The following PPP1R3B variants were observed in gnomAD, a reference collection of about 807,000 sequenced individuals.
The protein encoded by PPP1R3B is protein phosphatase 1 regulatory subunit 3B.
A neutral mutation model predicts 14.6 loss-of-function variants in PPP1R3B; 8 were observed. The ratio of observed to expected loss-of-function variants is 0.55; its 90% CI spans 0.32 to 0.99. PPP1R3B has a LOEUF of 0.99. Ranked by LOEUF, PPP1R3B falls within the 50% of genes least tolerant of loss-of-function variation. PPP1R3B has a pLI of 0.04. For synonymous variants in PPP1R3B, 169 were observed against 142.0 expected (o/e 1.19, Z -1.35); for missense variants, 452 against 360.1 (o/e 1.26, Z -2.07).
rs1229007049 is a variant in PPP1R3B at position 9,138,728 on chromosome 8, T to G, written c.*2066A>C. On this transcript the variant is annotated 3_prime_UTR_variant, in exon 2 of 2. Transcript: ENST00000310455. ...TTGCTTGCCTTAGGAAAACTTCACT[T>G]TAGTAAGATAAGGCAAAACAGAAAA... The G allele has an allele frequency of 6.6e-6, 1 of 152,146 alleles. No individual in the cohort carries two copies. The highest frequency in any genetic ancestry group is 1.5e-5 in the Non-Finnish European group (1 of 68,038). 9.4% of individuals were successfully genotyped at this position (152,146 alleles called of 1,614,324 possible). A position where few individuals can be genotyped will look rare whatever the true frequency, so the allele number is the denominator to read the frequency against.
Position 9,136,835 on chromosome 8 carries a change from A to T in PPP1R3B, c.*3959T>A, listed in dbSNP as rs943263255. On this transcript the variant is annotated 3_prime_UTR_variant, in exon 2 of 2. Coordinates refer to ENST00000310455, the MANE Select transcript of PPP1R3B (RefSeq NM_024607.4). ...TAGAAGAGGAAACAAATAAAAGGCA[A>T]CCAAGGTTTTCATCCCCTATCCATT... is the stretch of plus-strand genomic sequence containing the variant. 1 of 152,234 alleles carries T rather than the reference A, an allele frequency of 6.6e-6. No individual in the cohort carries two copies. The highest frequency in any genetic ancestry group is 1.5e-5 in the Non-Finnish European group (1 of 68,042). 9.4% of individuals were successfully genotyped at this position (152,234 alleles called of 1,614,324 possible).
At chr8:9,145,912 C>T (rs1028641993) in intron 1 of PPP1R3B, among the ~76,000 whole-genome samples, 5 of 152,058 alleles carry the variant, frequency 3.3e-5, no homozygotes, top group Non-Finnish European at 5.9e-5. Flanking sequence ...CTGTGTTGCC[C>T]AGGCTGGAGT....
In PPP1R3B at chr8:9,141,261, C is replaced by T. The variant is rs1202843279; in HGVS notation, c.391G>A (p.Asp131Asn). 48 of 1,614,014 alleles carry T rather than the reference C, an allele frequency of 3.0e-5. No homozygotes were observed. The highest frequency in any genetic ancestry group is 3.9e-5 in the Non-Finnish European group (46 of 1,180,042). The change falls in exon 2 of 2, where the codon GAC (aspartate) becomes AAC (asparagine). Residue 131 changes from aspartate to asparagine, a missense_variant. By Grantham distance (23) the Asp-to-Asn change is conservative (BLOSUM62 1). Coordinates refer to ENST00000310455, the MANE Select transcript of PPP1R3B (RefSeq NM_024607.4). ...YLDFRNRLQA[D>N]HVCLENCVLK... ...ACACAGTTCTCAAGGCAGACGTGGT[C>T]GGCCTGAAGTCGATTTCTAAAGTCT...
chr8:9,140,584 A>T lies in PPP1R3B; in HGVS notation c.*210T>A. The T allele has an allele frequency of 1.6e-6, 1 of 607,938 alleles. No individual in the cohort carries two copies. The highest frequency in any genetic ancestry group is 2.8e-6 in the Non-Finnish European group (1 of 352,680). 37.7% of individuals were successfully genotyped at this position (607,938 alleles called of 1,614,324 possible). Reference sequence around the variant, plus strand: ...ACAGTGCGAAAGCGCGCCAGCCACCACTGCTCCTTTGAGTGAGACACTGGT... The same window carrying T: ...ACAGTGCGAAAGCGCGCCAGCCACCTCTGCTCCTTTGAGTGAGACACTGGT... On this transcript the variant is annotated 3_prime_UTR_variant, in exon 2 of 2. Transcript: ENST00000310455.
rs1800961216 is a variant in PPP1R3B at position 9,138,351 on chromosome 8, G to A, written c.*2443C>T. 6.6e-6 allele frequency: 1 copy of A among 152,174 alleles called. No homozygotes were observed. The highest frequency in any genetic ancestry group is 2.4e-5 in the African/African-American group (1 of 41,424). The allele number at this position is 152,174 out of a possible 1,614,324, so 9.4% of individuals were successfully genotyped here. ...TTATAACATCATGTCATCCTAGAGTGTTACCCACCTGGGAGAGGTACAAAA... is the reference window on the plus strand; with the variant it reads ...TTATAACATCATGTCATCCTAGAGTATTACCCACCTGGGAGAGGTACAAAA... On this transcript the variant is annotated 3_prime_UTR_variant, in exon 2 of 2. Transcript: ENST00000310455.
In PPP1R3B at chr8:9,139,388, C is replaced by G. The variant is rs1005773162; in HGVS notation, c.*1406G>C. The G allele has an allele frequency of 6.6e-6, 1 of 152,282 alleles. No homozygotes were observed. The highest frequency in any genetic ancestry group is 1.9e-4 in the East Asian group (1 of 5,186). 9.4% of individuals were successfully genotyped at this position (152,282 alleles called of 1,614,324 possible). ...CATACACACCATAAATAAGAACACC[C>G]AAGTCCATGTCCCTGGGTGCTGGTA... On this transcript the variant is annotated 3_prime_UTR_variant, in exon 2 of 2. Coordinates refer to ENST00000310455, the MANE Select transcript of PPP1R3B (RefSeq NM_024607.4).
At chr8:9,149,450 C>T (rs975609067) in intron 1 of PPP1R3B, among the ~76,000 whole-genome samples, 2 of 151,294 alleles carry the variant, frequency 1.3e-5, no homozygotes, top group Non-Finnish European at 2.9e-5. Context: ...TTACAATGAG[C>T]CAGAGATGGC....
rs922187531 is a variant in PPP1R3B at position 9,138,188 on chromosome 8, G to A, written c.*2606C>T. The A allele has an allele frequency of 5.9e-5, 9 of 152,072 alleles. No individual in the cohort carries two copies. Among genetic ancestry groups the A allele is most frequent in the South Asian group, 2.1e-4 (1 of 4,826 alleles). The allele number at this position is 152,072 out of a possible 1,614,324, so 9.4% of individuals were successfully genotyped here. On this transcript the variant is annotated 3_prime_UTR_variant, in exon 2 of 2. Coordinates refer to ENST00000310455, the MANE Select transcript of PPP1R3B (RefSeq NM_024607.4). The stretch of plus-strand genomic sequence containing the variant: ...ATCAGTTTTGCTTCCATTTGAGTTC[G>A]ATTTATGCTATTAATAGTTCTGATC...
chr8:9,149,334 A>C (rs1801344231), intron 1 of PPP1R3B, among the ~76,000 whole-genome samples: 1 of 150,158 alleles, frequency 6.7e-6, no homozygotes, highest in African/African-American at 2.5e-5. Context: ...CCCCGTCTCT[A>C]CTAAAAATAC....
At chr8:9,144,132 T>A (rs1048881697) in intron 1 of PPP1R3B, among the ~76,000 whole-genome samples, 2 of 151,998 alleles carry the variant, frequency 1.3e-5, no homozygotes, top group African/African-American at 4.8e-5. Context: ...AAACAATGTC[T>A]GTTTTTTATT....
Position 9,141,262 on chromosome 8 carries a change from G to C in PPP1R3B, c.390C>G (p.Ala130=). 6.2e-7 allele frequency: 1 copy of C among 1,614,104 alleles called. No individual in the cohort carries two copies. The highest frequency in any genetic ancestry group is 8.5e-7 in the Non-Finnish European group (1 of 1,180,030). The change falls in exon 2 of 2, where the codon GCC becomes GCG. Residue 130 remains alanine, a synonymous_variant. Coordinates refer to ENST00000310455, the MANE Select transcript of PPP1R3B (RefSeq NM_024607.4). ...DYLDFRNRLQ[A]DHVCLENCVL... Reference sequence around the variant, plus strand: ...CACAGTTCTCAAGGCAGACGTGGTCGGCCTGAAGTCGATTTCTAAAGTCTA... The same window carrying C: ...CACAGTTCTCAAGGCAGACGTGGTCCGCCTGAAGTCGATTTCTAAAGTCTA...
chr8:9,149,066 G>C (rs201856257), intron 1 of PPP1R3B, among the ~76,000 whole-genome samples: 5 of 150,062 alleles, frequency 3.3e-5, no homozygotes, highest in Admixed American at 2.0e-4. Flanking sequence ...GGCGGCGGGC[G>C]CCTGTAGTCC....
At chr8:9,148,078 A>C (rs1191610572) in intron 1 of PPP1R3B, among the ~76,000 whole-genome samples, 1 of 152,208 alleles carries the variant, frequency 6.6e-6, no homozygotes, top group Non-Finnish European at 1.5e-5. Context: ...TCCAAGAATC[A>C]GCACACCAAA....
In PPP1R3B at chr8:9,140,752, C is replaced by T. The variant is rs434238; in HGVS notation, c.*42G>A. On this transcript the variant is annotated 3_prime_UTR_variant, in exon 2 of 2. Transcript: ENST00000310455. ...CCACTGCACAGTGAGCAGAGCTAGG[C>T]TTGTCTGTGGCAGCTCCGCCACGCC... 508,774 of 1,596,244 alleles carry T rather than the reference C, an allele frequency of 0.32. 90,324 individuals are homozygous for T. Among genetic ancestry groups the T allele is most frequent in the East Asian group, 0.75 (33,508 of 44,656 alleles).
chr8:9,141,095 C>T lies in PPP1R3B; in HGVS notation c.557G>A (p.Gly186Asp), dbSNP rs780522024. The T allele has an allele frequency of 3.1e-6, 5 of 1,614,146 alleles. No individual in the cohort carries two copies. Among genetic ancestry groups the T allele is most frequent in the Non-Finnish European group, 4.2e-6 (5 of 1,180,050 alleles). Residue 186 changes from glycine to aspartate, a missense_variant, in exon 2 of 2, where the codon GGT (glycine) becomes GAT (aspartate). Transcript: ENST00000310455. ...GAAGGAGAACGTGTCCCTGTCTGAA[C>T]CGGCATAAGTGTCCTTCACGTACTG... is the stretch of plus-strand genomic sequence containing the variant. ...PCQYVKDTYA[G>D]SDRDTFSFDI... is the part of the protein sequence containing the mutation.
At position 9,141,662 on chromosome 8, in the gene PPP1R3B, G is replaced by A; in HGVS notation, c.-11C>T. 6.2e-7 allele frequency: 1 copy of A among 1,602,644 alleles called. No individual in the cohort carries two copies. Among genetic ancestry groups the A allele is most frequent in the Non-Finnish European group, 8.5e-7 (1 of 1,171,676 alleles). The stretch of plus-strand genomic sequence containing the variant: ...GTCCACAGCCATCATGGGGCTAGAT[G>A]AACAGGCTAGAACCGTGGAAAGGGA... On this transcript the variant is annotated 5_prime_UTR_variant, in exon 2 of 2. Coordinates refer to ENST00000310455, the MANE Select transcript of PPP1R3B (RefSeq NM_024607.4).
intron 1 of PPP1R3B, among the ~76,000 whole-genome samples, chr8:9,144,009 A>G (rs1396888548): frequency 6.6e-6 from 1 of 152,162 alleles, no homozygotes; most frequent in Admixed American, 6.5e-5. Flanking sequence ...AATATTCCAC[A>G]TAGAAAAATA....
chr8:9,148,998 G>A (rs573956039), intron 1 of PPP1R3B, among the ~76,000 whole-genome samples: 2 of 124,462 alleles, frequency 1.6e-5, no homozygotes, highest in Admixed American at 8.2e-5. Context: ...CCATCCTGGC[G>A]AACACGGTGA....
At position 9,138,941 on chromosome 8, in the gene PPP1R3B, GAC is replaced by G. The variant is rs1800980977; in HGVS notation, c.*1851_*1852del. 1 of 152,152 alleles carries G rather than the reference GAC, an allele frequency of 6.6e-6. No homozygotes were observed. Among genetic ancestry groups the G allele is most frequent in the African/African-American group, 2.4e-5 (1 of 41,426 alleles). 9.4% of individuals were successfully genotyped at this position (152,152 alleles called of 1,614,324 possible). The stretch of plus-strand genomic sequence containing the variant: ...TGTCCCGGAAGTCTCTCTTTTTTGA[GAC>G]AGTTTCACTCTGTCGCTCAGGCTGA... On this transcript the variant is annotated 3_prime_UTR_variant, in exon 2 of 2. Coordinates refer to ENST00000310455, the MANE Select transcript of PPP1R3B (RefSeq NM_024607.4).
Sources: allele counts gnomAD v4.1 joint callset (sites outside exome capture counted in the v4.1 genomes callset), GRCh38; gene constraint gnomAD v4.1.1; transcripts MANE v1.5; gene names NCBI Gene and HGNC (gene_info 2026-07-23, HGNC 2026-07-21).